The following INSC variants were observed in gnomAD, a reference collection of about 807,000 sequenced individuals.
INSC encodes the protein INSC spindle orientation adaptor protein.
In INSC, 67 loss-of-function variants were observed where a neutral mutation model predicts 58.6. The ratio of observed to expected loss-of-function variants is 1.14; its 90% confidence interval spans 0.94 to 1.40. The LOEUF (loss-of-function observed/expected upper bound fraction) is 1.40. Among genes scored for constraint, INSC ranks in the 40% most tolerant of loss-of-function variants. INSC has a pLI of 0.00. For synonymous variants in INSC, 262 were observed against 276.1 expected, an observed-to-expected ratio of 0.95 and a Z score of 0.51; for missense variants, 714 against 692.0, an observed-to-expected ratio of 1.03 and a Z score of -0.36.
chr11:15,140,891 C>T (rs571154011), intron 1 of INSC, among the ~76,000 whole-genome samples: 1 of 152,020 alleles, frequency 6.6e-6, no homozygotes, highest in Non-Finnish European at 1.5e-5. Flanking sequence ...AGCCTCTGTT[C>T]TTCTTTTGAA....
At chr11:15,217,169 A>G (rs533857006) in intron 7 of INSC, among the ~76,000 whole-genome samples, 153 of 152,342 alleles carry the variant, frequency 1.0e-3, no homozygotes, top group African/African-American at 3.6e-3. Flanking sequence ...AAACTTAACA[A>G]TCATGGTGGA....
upstream of INSC, among the ~76,000 whole-genome samples, chr11:15,112,212 T>A (rs1264532337): frequency 6.6e-6 from 1 of 152,116 alleles, no homozygotes; most frequent in Non-Finnish European, 1.5e-5. Context: ...GCGCCGGGGA[T>A]GGAATTTCCA....
intron 2 of INSC, among the ~76,000 whole-genome samples, chr11:15,152,252 C>T (rs1307800958): frequency 6.6e-6 from 1 of 152,164 alleles, no homozygotes; most frequent in Non-Finnish European, 1.5e-5. Flanking sequence ...GCTGCAAAAC[C>T]TGGCTCAGTG....
chr11:15,264,726 A>T, the INSC span, among the ~76,000 whole-genome samples: 2 of 151,722 alleles, frequency 1.3e-5, no homozygotes, highest in Non-Finnish European at 2.9e-5. Flanking sequence ...CCACCTGGAT[A>T]CTCCAAGGTA....
At chr11:15,125,783 T>C (rs1847980115) in intron 1 of INSC, among the ~76,000 whole-genome samples, 1 of 152,122 alleles carries the variant, frequency 6.6e-6, no homozygotes, top group African/African-American at 2.4e-5. Context: ...GATGTACCCA[T>C]AGGAGATCAC....
At chr11:15,177,015 G>A in intron 3 of INSC, 96 bp from the exon 4 acceptor site, 2 of 955,966 alleles carry the variant, frequency 2.1e-6, no homozygotes, top group South Asian at 1.3e-5. Context: ...CACATTAATT[G>A]ATTCTTCATG....
At chr11:15,156,696 G>A (rs955248932) in intron 2 of INSC, among the ~76,000 whole-genome samples, 1 of 152,214 alleles carries the variant, frequency 6.6e-6, no homozygotes, top group South Asian at 2.1e-4. Context: ...TCTGTAGAAT[G>A]GGGATGGCAA....
At chr11:15,118,178 G>A (rs978007968) in intron 1 of INSC, among the ~76,000 whole-genome samples, 9 of 152,338 alleles carry the variant, frequency 5.9e-5, no homozygotes, top group Admixed American at 5.9e-4. Context: ...GGACTTAGGA[G>A]TGTGGAGGAG....
chr11:15,146,503 G>C (rs980949769), intron 1 of INSC, among the ~76,000 whole-genome samples: 1 of 152,216 alleles, frequency 6.6e-6, no homozygotes, highest in Non-Finnish European at 1.5e-5. Context: ...GCAAGGTTTT[G>C]TGAGCTGGCA....
At chr11:15,132,968 G>A (rs1848159566) in intron 1 of INSC, among the ~76,000 whole-genome samples, 1 of 152,144 alleles carries the variant, frequency 6.6e-6, no homozygotes, top group Non-Finnish European at 1.5e-5. Context: ...TGTCTAGGGT[G>A]TGTATGTATA....
chr11:15,219,543 C>T, intron 7 of INSC, among the ~76,000 whole-genome samples: 1 of 151,990 alleles, frequency 6.6e-6, no homozygotes, highest in Non-Finnish European at 1.5e-5. Context: ...GCAGCCAGGC[C>T]TTGGGTGGCA....
rs371814386 is a variant in INSC, at chr11:15,162,448, C to G, written c.56+13218C>G. ...TCTTAGCTTCTCAATGAGCCCTGCT[C>G]TGACCACTTATTTAAAATGAAAATT... On this transcript the variant is annotated intron_variant, in intron 2 of 12. Transcript: ENST00000379556. Among the ~76,000 whole-genome samples the G allele has an allele frequency of 4.2e-4, 64 of 152,332 alleles. No homozygotes were observed. In the East Asian group the frequency reaches 0.011, roughly 25 times the overall value.
At chr11:15,226,319 C>A (rs1851637818) in intron 9 of INSC, among the ~76,000 whole-genome samples, 1 of 152,156 alleles carries the variant, frequency 6.6e-6, no homozygotes, top group Non-Finnish European at 1.5e-5. Flanking sequence ...GGGCTTGGAG[C>A]AGAACCTTCA....
At chr11:15,264,925 C>G in the INSC span, among the ~76,000 whole-genome samples, 4 of 152,004 alleles carry the variant, frequency 2.6e-5, no homozygotes, top group African/African-American at 7.2e-5. Flanking sequence ...AAATATTTTT[C>G]AAGAATAAAG....
In INSC at chr11:15,160,612, T is replaced by C. The variant is rs75881439; in HGVS notation, c.56+11382T>C. ...AAAAAATAAGTCATTCATGAGTTAA[T>C]GAAAGATCATAGAGTGTTAACAATG... On this transcript the variant is annotated intron_variant, in intron 2 of 12. Transcript: ENST00000379556. 3.9e-5 allele frequency among the ~76,000 whole-genome samples: 6 copies of C among 152,320 alleles called. No homozygotes were observed. The East Asian group carries it at 1.2e-3, about 29-fold the overall frequency.
At chr11:15,216,213 G>A (rs1307479402) in intron 7 of INSC, among the ~76,000 whole-genome samples, 2 of 152,146 alleles carry the variant, frequency 1.3e-5, no homozygotes, top group Non-Finnish European at 2.9e-5. Flanking sequence ...AGCTAGGGAG[G>A]AGCCTAAAAG....
At chr11:15,264,517 G>A in the INSC span, among the ~76,000 whole-genome samples, 1 of 148,470 alleles carries the variant, frequency 6.7e-6, no homozygotes, top group East Asian at 2.0e-4. Flanking sequence ...GTCAGCGGGG[G>A]ATAGCCATCA....
intron 1 of INSC, among the ~76,000 whole-genome samples, chr11:15,138,513 G>A (rs1848297991): frequency 6.6e-6 from 1 of 152,222 alleles, no homozygotes; most frequent in Non-Finnish European, 1.5e-5. Context: ...CAATCTCTAT[G>A]TGCTAGGTTT....
chr11:15,167,004 G>C (rs1472211696), intron 2 of INSC, among the ~76,000 whole-genome samples: 1 of 152,000 alleles, frequency 6.6e-6, no homozygotes, highest in Non-Finnish European at 1.5e-5. Flanking sequence ...AGCTCTCGAG[G>C]TACTGTAAAG....
Sources: allele counts gnomAD v4.1 joint callset (sites outside exome capture counted in the v4.1 genomes callset), GRCh38; gene constraint gnomAD v4.1.1; transcripts MANE v1.5; gene names NCBI Gene and HGNC (gene_info 2026-07-23, HGNC 2026-07-21).